Variants in SGCZ observed in about 807,000 individuals in gnomAD.
SGCZ encodes zeta-sarcoglycan.
In SGCZ, 40 loss-of-function variants were observed where a neutral mutation model predicts 41.3. That is an observed-to-expected ratio of 0.97 (90% CI 0.75 to 1.26). SGCZ has a LOEUF of 1.26. SGCZ is among the 50% of genes most tolerant of loss of function. SGCZ has a pLI of 0.00. For missense variants in SGCZ, 552 were observed against 369.8 expected, an observed-to-expected ratio of 1.49 and a Z score of -4.04; for synonymous variants, 206 against 137.5, an observed-to-expected ratio of 1.50 and a Z score of -3.49.
intron 6 of SGCZ, among the ~76,000 whole-genome samples, chr8:14,106,113 G>C (rs538416789): frequency 1.8e-3 from 281 of 152,142 alleles, no homozygotes; most frequent in African/African-American, 6.5e-3. Flanking sequence ...TCATTTTTCA[G>C]CTTTGCTAAG....
chr8:14,605,150 C>T (rs904953713), intron 1 of SGCZ, among the ~76,000 whole-genome samples: 1 of 152,058 alleles, frequency 6.6e-6, no homozygotes, highest in Admixed American at 6.6e-5. Context: ...CTACTTGCCT[C>T]GAAAAATGAC....
At chr8:15,012,666 ATTT>A (rs1563436262) in intron 1 of SGCZ, among the ~76,000 whole-genome samples, 3 of 96,230 alleles carry the variant, frequency 3.1e-5, no homozygotes, top group African/African-American at 4.8e-5. Flanking sequence ...TATAATATAT[ATTT>A]ATTATATATT....
chr8:14,166,968 T>A (rs1333925650), intron 4 of SGCZ, among the ~76,000 whole-genome samples: 1 of 152,246 alleles, frequency 6.6e-6, no homozygotes, highest in Middle Eastern at 3.4e-3. Context: ...TAAAAATTCA[T>A]ACTGCAGACT....
chr8:14,260,712 A>C (rs1175584299), intron 3 of SGCZ, among the ~76,000 whole-genome samples: 2 of 152,236 alleles, frequency 1.3e-5, no homozygotes, highest in Non-Finnish European at 2.9e-5. Context: ...GTCCAACCAT[A>C]ATAGACTGGA....
intron 1 of SGCZ, among the ~76,000 whole-genome samples, chr8:15,096,967 G>A (rs1806371295): frequency 6.6e-6 from 1 of 152,084 alleles, no homozygotes; most frequent in Non-Finnish European, 1.5e-5. Flanking sequence ...TTACAGGTGT[G>A]AGCCACCGCA....
intron 2 of SGCZ, among the ~76,000 whole-genome samples, chr8:14,383,556 C>A (rs1804449906): frequency 6.6e-6 from 1 of 152,098 alleles, no homozygotes; most frequent in South Asian, 2.1e-4. Context: ...AGATGTTAAA[C>A]AGCAAAAAAG....
intron 1 of SGCZ, among the ~76,000 whole-genome samples, chr8:15,033,119 T>C (rs1803741698): frequency 6.6e-6 from 1 of 151,980 alleles, no homozygotes; most frequent in Non-Finnish European, 1.5e-5. Context: ...CCAGGCCTGC[T>C]TTAAGAGTCC....
In SGCZ at chr8:14,617,581, A is replaced by T. The variant is rs116430020; in HGVS notation, c.40-62655T>A. On this transcript the variant is annotated intron_variant, in intron 1 of 7. Coordinates refer to ENST00000382080, the MANE Select transcript of SGCZ (RefSeq NM_139167.4). ...GGCTTCTTGTTTCTAAGCTTTGCAC[A>T]GTCCTAACCATAAATACACTTGAAA... Among the ~76,000 whole-genome samples, 1,354 of 152,298 alleles carry T rather than the reference A, an allele frequency of 8.9e-3. 20 individuals carry two copies. The highest frequency in any genetic ancestry group is 0.031 in the African/African-American group (1,280 of 41,576).
chr8:14,858,337 C>A lies in SGCZ; in HGVS notation c.40-303411G>T, dbSNP rs183504442. On this transcript the variant is annotated intron_variant, in intron 1 of 7. Transcript: ENST00000382080. ...TAAAAAATTCTTAAAACAAAACATT[C>A]CAATTAGTAAGAAGAGTAACATTGT... 4.1e-3 allele frequency among the ~76,000 whole-genome samples: 622 copies of A among 152,028 alleles called. 4 individuals carry two copies. The highest frequency in any genetic ancestry group is 0.018 in the South Asian group (87 of 4,812).
chr8:14,454,314 T>G (rs1200352350), intron 2 of SGCZ, among the ~76,000 whole-genome samples: 1 of 152,146 alleles, frequency 6.6e-6, no homozygotes, highest in South Asian at 2.1e-4. Flanking sequence ...ACTTCATTAC[T>G]GTAAATGAAG....
chr8:14,612,739 G>A (rs532354401), intron 1 of SGCZ, among the ~76,000 whole-genome samples: 3 of 152,106 alleles, frequency 2.0e-5, no homozygotes, highest in African/African-American at 7.2e-5. Flanking sequence ...CAAGCTGGAA[G>A]GCAGTGGCAG....
intron 1 of SGCZ, among the ~76,000 whole-genome samples, chr8:14,821,037 A>T (rs117696501): frequency 0.014 from 2,079 of 152,044 alleles, 29 homozygotes; most frequent in South Asian, 0.04. Flanking sequence ...TCAACAAAAC[A>T]ATTGGTTTGT....
At chr8:15,102,199 A>T (rs1438830303) in intron 1 of SGCZ, among the ~76,000 whole-genome samples, 1 of 152,186 alleles carries the variant, frequency 6.6e-6, no homozygotes, top group Non-Finnish European at 1.5e-5. Flanking sequence ...TGGTATATCC[A>T]TACAATTAAA....
At chr8:14,128,660 A>G (rs1802939967) in intron 5 of SGCZ, among the ~76,000 whole-genome samples, 1 of 152,168 alleles carries the variant, frequency 6.6e-6, no homozygotes. Flanking sequence ...AGTGTCCATC[A>G]GTGAATGTCT....
At position 14,086,967 on chromosome 8, in the gene SGCZ, A is replaced by G. The variant is rs1230797541; in HGVS notation, c.*3476T>C. ...CCCTCTCACAGATAAGTGAACTGTGACCAACGTAATTAAATATATGTCTTA... is the reference window on the plus strand; with the variant it reads ...CCCTCTCACAGATAAGTGAACTGTGGCCAACGTAATTAAATATATGTCTTA... On this transcript the variant is annotated 3_prime_UTR_variant, in exon 8 of 8. Coordinates refer to ENST00000382080, the MANE Select transcript of SGCZ (RefSeq NM_139167.4). Among the ~76,000 whole-genome samples, 1 of 151,662 alleles carries G rather than the reference A, an allele frequency of 6.6e-6. No homozygotes were observed. The highest frequency in any genetic ancestry group is 1.5e-5 in the Non-Finnish European group (1 of 67,722).
intron 1 of SGCZ, among the ~76,000 whole-genome samples, chr8:15,111,598 C>G (rs1807057253): frequency 6.6e-6 from 1 of 152,188 alleles, no homozygotes; most frequent in Non-Finnish European, 1.5e-5. Context: ...TGTCTCCTCA[C>G]TGAAATAAAT....
At chr8:15,005,334 T>TC (rs1230478337) in intron 1 of SGCZ, among the ~76,000 whole-genome samples, 2 of 147,574 alleles carry the variant, frequency 1.4e-5, no homozygotes, top group South Asian at 2.2e-4. Flanking sequence ...TTTTCTTTTT[T>TC]TTTTTTTTTT....
At chr8:14,892,837 T>C (rs1209437255) in intron 1 of SGCZ, among the ~76,000 whole-genome samples, 4 of 152,214 alleles carry the variant, frequency 2.6e-5, no homozygotes, top group African/African-American at 7.2e-5. Context: ...TTGAACTATA[T>C]GATCTCTATG....
chr8:15,232,220 T>G (rs1801965936), intron 1 of SGCZ, among the ~76,000 whole-genome samples: 2 of 152,240 alleles, frequency 1.3e-5, no homozygotes, highest in Admixed American at 6.5e-5. Flanking sequence ...GCGCACTAAA[T>G]ATTACATAAA....
Sources: allele counts gnomAD v4.1 joint callset (sites outside exome capture counted in the v4.1 genomes callset), GRCh38; gene constraint gnomAD v4.1.1; transcripts MANE v1.5; gene names NCBI Gene and HGNC (gene_info 2026-07-23, HGNC 2026-07-21).